SH3GL1: variants seen among roughly 807,000 people sequenced by gnomAD.
The protein encoded by SH3GL1 is SH3 domain containing GRB2 like 1, endophilin A2.
A neutral mutation model predicts 48.8 loss-of-function variants in SH3GL1; 21 were observed. The observed-to-expected ratio is 0.43, with a 90% CI of 0.30 to 0.62. SH3GL1 has a LOEUF of 0.62. Among genes scored for constraint, SH3GL1 ranks in the 20% least tolerant of loss-of-function variants. SH3GL1 has a pLI of 0.11. For missense variants in SH3GL1, 454 were observed against 503.0 expected, an observed-to-expected ratio of 0.90 and a Z score of 0.93; for synonymous variants, 282 against 217.5, an observed-to-expected ratio of 1.30 and a Z score of -2.61.
Position 4,367,076 on chromosome 19 carries a change from C to T in SH3GL1, c.46-82G>A. 1.6e-6 allele frequency: 2 copies of T among 1,264,826 alleles called. No homozygotes were observed. The highest frequency in any genetic ancestry group is 2.3e-6 in the Non-Finnish European group (2 of 862,664). 78.4% of individuals were successfully genotyped at this position (1,264,826 alleles called of 1,614,324 possible). ...CAGGAGGCCCTGAGCCGCCTTCCAG[C>T]CACATCGCATCCACAGCTGGAGGCA... On this transcript the variant is annotated intron_variant, in intron 1 of 9. Coordinates refer to ENST00000269886, the MANE Select transcript of SH3GL1 (RefSeq NM_003025.4). This position sits in a 1 kb window ranked among gnomAD's most constrained non-coding sequence, Gnocchi z 4.2.
intron 1 of SH3GL1, among the ~76,000 whole-genome samples, chr19:4,371,458 C>T (rs942295816): frequency 4.6e-5 from 7 of 152,196 alleles, no homozygotes; most frequent in African/African-American, 1.7e-4. Context: ...AACATCTCAG[C>T]GGGGAAACCT....
intron 1 of SH3GL1, among the ~76,000 whole-genome samples, chr19:4,372,012 C>T (rs963468400): frequency 6.6e-6 from 1 of 152,192 alleles, no homozygotes; most frequent in African/African-American, 2.4e-5. Context: ...AGGGGTCTCA[C>T]TATGTTGCCC....
intron 1 of SH3GL1, among the ~76,000 whole-genome samples, chr19:4,369,859 C>G (rs1232390929): frequency 6.6e-6 from 1 of 152,256 alleles, no homozygotes; most frequent in African/African-American, 2.4e-5. Flanking sequence ...CCTGTAAGGC[C>G]CCTTCTCTCC....
Position 4,392,122 on chromosome 19 carries a change from C to T in SH3GL1, c.45+8202G>A, listed in dbSNP as rs541518480. 3.0e-4 allele frequency among the ~76,000 whole-genome samples: 45 copies of T among 152,362 alleles called. 1 individual carries two copies. The East Asian group carries it at 7.7e-3, about 26-fold the overall frequency. On this transcript the variant is annotated intron_variant, in intron 1 of 9. Transcript: ENST00000269886. ...CCGGGCACAGCCTCTGAATCACCAA[C>T]GCCGGCCCTTACCAGCCCACACAAA...
intron 1 of SH3GL1, among the ~76,000 whole-genome samples, chr19:4,391,400 A>G (rs2144920956): frequency 6.6e-6 from 1 of 152,240 alleles, no homozygotes; most frequent in Middle Eastern, 3.4e-3. Context: ...TTTAACACAC[A>G]CCCAGATAAG....
Position 4,367,025 on chromosome 19 carries a change from G to C in SH3GL1, c.46-31C>G, listed in dbSNP as rs756875996. 1.9e-6 allele frequency: 3 copies of C among 1,605,806 alleles called. No individual in the cohort carries two copies. Among genetic ancestry groups the C allele is most frequent in the South Asian group, 2.2e-5 (2 of 90,956 alleles). On this transcript the variant is annotated intron_variant, in intron 1 of 9. Coordinates refer to ENST00000269886, the MANE Select transcript of SH3GL1 (RefSeq NM_003025.4). The surrounding 1 kb of genome is among the most constrained non-coding windows in gnomAD (Gnocchi z 4.2). Reference sequence around the variant, plus strand: ...GGACAGAAGAGGGGAAACGCTGTGAGCCCAGGGGTAGGAGGAAGAAGAGGA... The same window carrying C: ...GGACAGAAGAGGGGAAACGCTGTGACCCCAGGGGTAGGAGGAAGAAGAGGA...
At chr19:4,372,230 G>A (rs1972917137) in intron 1 of SH3GL1, among the ~76,000 whole-genome samples, 1 of 152,194 alleles carries the variant, frequency 6.6e-6, no homozygotes, top group Non-Finnish European at 1.5e-5. Flanking sequence ...AGGGCAGGCA[G>A]GACACACGGA....
intron 2 of SH3GL1, among the ~76,000 whole-genome samples, 164 bp from the exon 3 acceptor site, chr19:4,366,737 G>A (rs1313374515): frequency 2.6e-5 from 4 of 151,056 alleles, no homozygotes; most frequent in South Asian, 2.1e-4. Flanking sequence ...GCCTGCCCAC[G>A]GCAGGGGAGA....
chr19:4,392,419 G>C (rs1424475189), intron 1 of SH3GL1, among the ~76,000 whole-genome samples: 12 of 152,058 alleles, frequency 7.9e-5, no homozygotes, highest in Admixed American at 7.9e-4. Context: ...AGCTACTCAG[G>C]AGGCTGAGGC....
chr19:4,364,880 GTGTGTGTGTGTGTGT>G (rs1972731359), intron 4 of SH3GL1, among the ~76,000 whole-genome samples: 1 of 68,676 alleles, frequency 1.5e-5, no homozygotes, highest in African/African-American at 5.3e-5. Context: ...GTGTGTGTGT[GTGTGTGTGTGTGTGT>G]GTGTATATAT....
intron 1 of SH3GL1, among the ~76,000 whole-genome samples, chr19:4,381,462 C>T (rs1243706306): frequency 7.9e-6 from 1 of 127,064 alleles, no homozygotes; most frequent in African/African-American, 3.1e-5. Flanking sequence ...CCTCTGTCTC[C>T]CATCTCTCTG....
rs747638454 is a variant in SH3GL1 at position 4,361,144 on chromosome 19, ATC to A, written c.*454_*455del. The A allele has an allele frequency of 2.7e-5, 7 of 257,398 alleles. No homozygotes were observed. The highest frequency in any genetic ancestry group is 7.5e-6 in the Non-Finnish European group (1 of 133,722). 15.9% of individuals were successfully genotyped at this position (257,398 alleles called of 1,614,324 possible). A position where few individuals can be genotyped will look rare whatever the true frequency, so the allele number is the denominator to read the frequency against. On this transcript the variant is annotated 3_prime_UTR_variant, in exon 10 of 10. Coordinates refer to ENST00000269886, the MANE Select transcript of SH3GL1 (RefSeq NM_003025.4). The stretch of plus-strand genomic sequence containing the variant: ...GGGAGGGATTTAAAACCAGGGTCCT[ATC>A]TCTGAGCCACCCCATGGGGACCCTC...
intron 1 of SH3GL1, among the ~76,000 whole-genome samples, chr19:4,383,386 T>A (rs1018498952): frequency 2.0e-5 from 3 of 151,884 alleles, no homozygotes; most frequent in African/African-American, 2.4e-5. Context: ...AGTTATTTTT[T>A]TTTTTATTTT....
chr19:4,371,056 T>C (rs1244729425), intron 1 of SH3GL1, among the ~76,000 whole-genome samples: 1 of 152,220 alleles, frequency 6.6e-6, no homozygotes. Context: ...GCCAGGCACC[T>C]GGGAAACGAG....
At chr19:4,369,728 G>A (rs567989494) in intron 1 of SH3GL1, among the ~76,000 whole-genome samples, 12 of 152,306 alleles carry the variant, frequency 7.9e-5, no homozygotes, top group African/African-American at 2.6e-4. Context: ...CTGACTCCTC[G>A]CACCCCTGAC....
chr19:4,372,586 T>C (rs561099791), intron 1 of SH3GL1, among the ~76,000 whole-genome samples: 1 of 152,218 alleles, frequency 6.6e-6, no homozygotes, highest in African/African-American at 2.4e-5. Flanking sequence ...GGGCAAAGGA[T>C]GTAGGGATGT....
intron 4 of SH3GL1, among the ~76,000 whole-genome samples, chr19:4,364,847 C>T (rs954526997): frequency 1.4e-5 from 2 of 142,322 alleles, no homozygotes; most frequent in Non-Finnish European, 3.1e-5. Context: ...TACAGGCATG[C>T]ACTACCACAC....
chr19:4,364,332 C>T (rs962427429), intron 4 of SH3GL1, 111 bp from the exon 5 acceptor site: 114 of 1,389,478 alleles, frequency 8.2e-5, no homozygotes, highest in African/African-American at 2.0e-4. Context: ...AACGCAGTGG[C>T]GCTGTACCAG....
At chr19:4,374,433 C>T (rs1222793404) in intron 1 of SH3GL1, among the ~76,000 whole-genome samples, 2 of 152,222 alleles carry the variant, frequency 1.3e-5, no homozygotes, top group African/African-American at 4.8e-5. Flanking sequence ...CCTGTGCTGA[C>T]AGCAAAGTCA....
Sources: allele counts gnomAD v4.1 joint callset (sites outside exome capture counted in the v4.1 genomes callset), GRCh38; gene constraint gnomAD v4.1.1; non-coding constraint Gnocchi (gnomAD v3.1); transcripts MANE v1.5; gene names NCBI Gene and HGNC (gene_info 2026-07-23, HGNC 2026-07-21).